Variants in MAP7D3 observed in about 807,000 individuals in gnomAD.
MAP7D3 encodes MAP7 domain containing 3, also known as MAP7 domain-containing protein 3.
In MAP7D3, 45 loss-of-function variants were observed where a neutral mutation model predicts 62.2. The ratio of observed to expected loss-of-function variants is 0.72; its 90% CI spans 0.57 to 0.93. The LOEUF is 0.93. Ranked by LOEUF, MAP7D3 falls within the 40% of genes least tolerant of loss-of-function variation. MAP7D3 has a pLI of 0.00. For synonymous variants in MAP7D3, 288 were observed against 248.8 expected (o/e 1.16, Z -1.48); for missense variants, 711 against 683.1 (o/e 1.04, Z -0.45).
At chrX:136,232,315 G>C (rs1319783335) in intron 7 of MAP7D3, 95 bp from the exon 8 acceptor site, 1 of 597,094 alleles carries the variant, frequency 1.7e-6, no homozygotes, top group African/African-American at 2.2e-5. Context: ...ACACAGAAAA[G>C]AGATTGTTTA....
intron 1 of MAP7D3, 29 bp downstream of exon 1, chrX:136,251,260 C>A: frequency 8.9e-7 from 1 of 1,118,210 alleles, no homozygotes; most frequent in Non-Finnish European, 1.2e-6. Flanking sequence ...CGGGCCCGAA[C>A]CACCCCCGGG....
At chrX:136,219,774 A>G (rs1285041040) in intron 16 of MAP7D3, 103 bp from the exon 17 acceptor site, 15 of 628,278 alleles carry the variant, frequency 2.4e-5, no homozygotes, top group Non-Finnish European at 4.1e-5. Context: ...ATGCCTTGGA[A>G]TTAAAAAACA....
intron 15 of MAP7D3, 130 bp downstream of exon 15, chrX:136,222,263 C>T: frequency 2.2e-6 from 1 of 457,228 alleles, no homozygotes; most frequent in Non-Finnish European, 3.8e-6. Flanking sequence ...AGGACATTAG[C>T]TTCCCCTTTT....
At chrX:136,254,495 T>C (rs1422096290), upstream of MAP7D3, among the ~76,000 whole-genome samples, 2 of 111,650 alleles carry the variant, frequency 1.8e-5, no homozygotes, top group African/African-American at 3.3e-5. Context: ...ACTAGTCTTT[T>C]CAGTGTTTAG....
chrX:136,243,039 T>C (rs901797895), intron 4 of MAP7D3, among the ~76,000 whole-genome samples: 38 of 110,541 alleles, frequency 3.4e-4, no homozygotes, highest in African/African-American at 1.3e-3. Flanking sequence ...GCACAAGAAG[T>C]GTCCTAGAAT....
chrX:136,231,070 A>G, intron 8 of MAP7D3, 104 bp from the exon 9 acceptor site: 1 of 594,842 alleles, frequency 1.7e-6, no homozygotes, highest in Non-Finnish European at 2.5e-6. Context: ...AATAAAACAC[A>G]ATTAGAATTC....
intron 12 of MAP7D3, 140 bp from the exon 13 acceptor site, chrX:136,226,153 A>G (rs2074194797): frequency 1.1e-5 from 5 of 438,484 alleles, no homozygotes; most frequent in Non-Finnish European, 1.9e-5. Context: ...TTCCTATATC[A>G]TGATATTTGC....
At position 136,246,737 on chromosome X, in the gene MAP7D3, G is replaced by C. The variant is rs543882018; in HGVS notation, c.71-396C>G. Reference sequence around the variant, plus strand: ...GGAAAATTAAGTTTCACCATAAATTGGGAATTCAGAAGATAACAGGTTAAG... The same window carrying C: ...GGAAAATTAAGTTTCACCATAAATTCGGAATTCAGAAGATAACAGGTTAAG... On this transcript the variant is annotated intron_variant, in intron 1 of 18. Coordinates refer to ENST00000316077, the MANE Select transcript of MAP7D3 (RefSeq NM_024597.4). 2.7e-5 allele frequency among the ~76,000 whole-genome samples: 3 copies of C among 112,294 alleles called. No individual in the cohort carries two copies. The South Asian group carries it at 1.1e-3, about 41-fold the overall frequency.
At chrX:136,225,866 T>C (rs755364341) in intron 13 of MAP7D3, 43 bp downstream of exon 13, 1 of 907,962 alleles carries the variant, frequency 1.1e-6, no homozygotes, top group Non-Finnish European at 1.6e-6. Flanking sequence ...CCCAACATTG[T>C]TTTAAACACA....
At chrX:136,241,348 A>T in intron 4 of MAP7D3, 71 bp from the exon 5 acceptor site, 1 of 601,521 alleles carries the variant, frequency 1.7e-6, no homozygotes, top group Non-Finnish European at 2.6e-6. Flanking sequence ...TGTGGTTTAT[A>T]AAATAAACCA....
rs371977807 is a variant in MAP7D3, at chrX:136,224,819, G to A, written c.2193+8C>T. 188 of 1,157,892 alleles carry A rather than the reference G, an allele frequency of 1.6e-4. No individual in the cohort carries two copies. Among genetic ancestry groups the A allele is most frequent in the Non-Finnish European group, 2.1e-4 (181 of 848,088 alleles). ...CTTATACACTGCTGGTAGGAGTATG[G>A]AGACTACCTTTGAGGCATTCACATC... On this transcript the variant is annotated splice_region_variant and intron_variant, in intron 14 of 18. Coordinates refer to ENST00000316077, the MANE Select transcript of MAP7D3 (RefSeq NM_024597.4).
At chrX:136,246,386 T>G (rs2074449387) in intron 1 of MAP7D3, 45 bp from the exon 2 acceptor site, 1 of 872,248 alleles carries the variant, frequency 1.1e-6, no homozygotes, top group African/African-American at 2.0e-5. Flanking sequence ...AGAATACGGA[T>G]AGCTAACACA....
At chrX:136,238,921 G>A (rs989039408) in intron 6 of MAP7D3, among the ~76,000 whole-genome samples, 1 of 111,976 alleles carries the variant, frequency 8.9e-6, no homozygotes. Flanking sequence ...TACTGGAATT[G>A]TATAGCAATC....
intron 7 of MAP7D3, among the ~76,000 whole-genome samples, chrX:136,234,228 C>A (rs181636951): frequency 1.8e-5 from 2 of 108,975 alleles, no homozygotes; most frequent in Admixed American, 2.0e-4. Context: ...TAGTCCTTTC[C>A]ATTACTGGGT....
downstream of MAP7D3, among the ~76,000 whole-genome samples, chrX:136,216,382 GAAA>G (rs1160062689): frequency 6.5e-5 from 3 of 46,369 alleles, no homozygotes; most frequent in East Asian, 1.6e-3. Flanking sequence ...AAAAAAAAAA[GAAA>G]AAAAGAGAAG....
chrX:136,242,459 G>GT (rs1287845617), intron 4 of MAP7D3, among the ~76,000 whole-genome samples: 6 of 106,065 alleles, frequency 5.7e-5, no homozygotes, highest in South Asian at 4.2e-4. Flanking sequence ...CTGAGTCTGG[G>GT]TTTTTTTTTT....
intron 1 of MAP7D3, among the ~76,000 whole-genome samples, chrX:136,248,023 C>G (rs1231409724): frequency 9.0e-6 from 1 of 111,393 alleles, no homozygotes; most frequent in Non-Finnish European, 1.9e-5. Flanking sequence ...TTGGAACCAG[C>G]CTGGCCAACA....
intron 1 of MAP7D3, 25 bp downstream of exon 1, chrX:136,251,264 C>G: frequency 8.9e-7 from 1 of 1,121,692 alleles, no homozygotes. Context: ...CCCGAACCAC[C>G]CCCGGGAGCC....
intron 7 of MAP7D3, among the ~76,000 whole-genome samples, chrX:136,235,622 G>A (rs1376869591): frequency 2.7e-5 from 3 of 110,764 alleles, no homozygotes; most frequent in South Asian, 3.8e-4. Flanking sequence ...GGTGGCAGGC[G>A]CCTATAATCC....
Sources: gnomAD v4.1 joint callset for allele counts (sites outside exome capture counted in the v4.1 genomes callset) on GRCh38, gnomAD v4.1.1 for gene constraint, MANE v1.5 for transcripts, NCBI Gene and HGNC (gene_info 2026-07-23, HGNC 2026-07-21) for gene names.